Variants in DOCK3 observed in about 807,000 individuals in gnomAD.
The protein encoded by DOCK3 is dedicator of cytokinesis 3.
DOCK3 carries 60 observed loss-of-function variants against 265.6 expected under a neutral mutation model. The observed-to-expected ratio is 0.23, with a 90% CI of 0.18 to 0.28. The LOEUF (loss-of-function observed/expected upper bound fraction) is 0.28, where lower values mean the gene tolerates loss of function less well. Among genes scored for constraint, DOCK3 ranks in the 10% least tolerant of loss-of-function variants. The probability of loss-of-function intolerance (pLI) is 1.00; values close to 1 mark genes in which losing one functional copy is unlikely to be tolerated. For missense variants in DOCK3, 1,981 were observed against 2,594.3 expected (o/e 0.76, Z 5.14); for synonymous variants, 881 against 938.0 (o/e 0.94, Z 1.11).
At chr3:50,889,066 GGTGTGTGTGTGT>G (rs36180907) in intron 3 of DOCK3, among the ~76,000 whole-genome samples, 28 of 134,268 alleles carry the variant, frequency 2.1e-4, no homozygotes, top group South Asian at 8.0e-4. Flanking sequence ...TTAAGCCATG[GGTGTGTGTGTGT>G]GTGTGTGTGT....
intron 5 of DOCK3, among the ~76,000 whole-genome samples, chr3:50,943,684 A>G (rs1470030631): frequency 2.0e-5 from 3 of 152,184 alleles, no homozygotes; most frequent in African/African-American, 7.2e-5. Context: ...GTAGAAACAT[A>G]TAATCAGTAT....
At chr3:50,795,847 A>G (rs1376964021) in intron 2 of DOCK3, among the ~76,000 whole-genome samples, 1 of 152,104 alleles carries the variant, frequency 6.6e-6, no homozygotes, top group Non-Finnish European at 1.5e-5. Context: ...CAGGTCAGTT[A>G]CATTCTTTTC....
At chr3:51,205,719 TAGAA>T (rs1390803934) in intron 12 of DOCK3, among the ~76,000 whole-genome samples, 2 of 151,952 alleles carry the variant, frequency 1.3e-5, no homozygotes, top group Admixed American at 6.6e-5. Context: ...AATAGATAGA[TAGAA>T]AGAAAGAATT....
intron 4 of DOCK3, among the ~76,000 whole-genome samples, chr3:50,911,397 C>CATGTGTAGCTAT (rs1553701132): frequency 1.3e-5 from 2 of 152,026 alleles, no homozygotes; most frequent in Non-Finnish European, 2.9e-5. Flanking sequence ...TTCCTAGCAC[C>CATGTGTAGCTAT]ATTGATTGAA....
intron 33 of DOCK3, among the ~76,000 whole-genome samples, chr3:51,332,428 TTGCTTGGGAGCATTCCCTGTG>T (rs2084586038): frequency 6.6e-6 from 1 of 152,188 alleles, no homozygotes; most frequent in African/African-American, 2.4e-5. Flanking sequence ...CTGGCACATT[TTGCTTGGGAGCATTCCCTGTG>T]ACAGTAGGAT....
chr3:50,840,943 C>G (rs2045792695), intron 2 of DOCK3, among the ~76,000 whole-genome samples: 1 of 152,036 alleles, frequency 6.6e-6, no homozygotes, highest in African/African-American at 2.4e-5. Flanking sequence ...CAACGATAAC[C>G]TCTCAATTAA....
chr3:51,234,709 A>G (rs562140366), intron 19 of DOCK3, among the ~76,000 whole-genome samples: 2 of 151,918 alleles, frequency 1.3e-5, no homozygotes, highest in East Asian at 1.9e-4. Context: ...TTCCTTCCTT[A>G]CCCCTATGTT....
chr3:50,701,156 G>T (rs1205847116), intron 1 of DOCK3, among the ~76,000 whole-genome samples: 1 of 140,940 alleles, frequency 7.1e-6, no homozygotes, highest in Non-Finnish European at 1.5e-5. Context: ...TTTAAGACAG[G>T]TTCTCACTTT....
At chr3:51,115,565 T>A (rs1324375362) in intron 9 of DOCK3, among the ~76,000 whole-genome samples, 2 of 152,240 alleles carry the variant, frequency 1.3e-5, no homozygotes, top group Non-Finnish European at 2.9e-5. Flanking sequence ...GATAGGTAGA[T>A]GGGAAAAATT....
chr3:51,259,344 A>T (rs1276895262), intron 22 of DOCK3, among the ~76,000 whole-genome samples: 2 of 152,180 alleles, frequency 1.3e-5, no homozygotes, highest in African/African-American at 4.8e-5. Flanking sequence ...AGCCTTGCAT[A>T]AGTTTCTCTC....
intron 27 of DOCK3, among the ~76,000 whole-genome samples, chr3:51,292,005 C>T (rs2081807791): frequency 6.6e-6 from 1 of 152,160 alleles, no homozygotes. Context: ...ACATGATCAT[C>T]TCAATAAATG....
At chr3:50,937,300 T>C (rs1353955415) in intron 5 of DOCK3, among the ~76,000 whole-genome samples, 1 of 146,548 alleles carries the variant, frequency 6.8e-6, no homozygotes, top group South Asian at 2.2e-4. Flanking sequence ...AAAAAAAATT[T>C]ATAAAGTGGA....
At chr3:50,818,583 T>C (rs1004041701) in intron 2 of DOCK3, among the ~76,000 whole-genome samples, 1 of 152,186 alleles carries the variant, frequency 6.6e-6, no homozygotes, top group African/African-American at 2.4e-5. Context: ...TGAAGACATA[T>C]TTATATTTGA....
At chr3:51,143,096 A>G (rs2085137119) in intron 9 of DOCK3, among the ~76,000 whole-genome samples, 1 of 152,074 alleles carries the variant, frequency 6.6e-6, no homozygotes, top group Non-Finnish European at 1.5e-5. Context: ...CATGTTGGCC[A>G]GGCTGGTCTC....
At chr3:50,824,608 T>G (rs1684845282) in intron 2 of DOCK3, among the ~76,000 whole-genome samples, 4 of 152,190 alleles carry the variant, frequency 2.6e-5, no homozygotes, top group Admixed American at 2.6e-4. Flanking sequence ...CACTGCCATT[T>G]CCTAGTGTAC....
chr3:50,863,363 C>CT, intron 3 of DOCK3: 3 of 514,230 alleles, frequency 5.8e-6, no homozygotes, highest in South Asian at 4.3e-5. Flanking sequence ...CTACCCGGTT[C>CT]TTTGTGCTTG....
intron 5 of DOCK3, among the ~76,000 whole-genome samples, chr3:50,966,269 A>G (rs1215574370): frequency 6.6e-6 from 1 of 152,106 alleles, no homozygotes; most frequent in Non-Finnish European, 1.5e-5. Context: ...TTGTGGATGA[A>G]TGAGGGGGTG....
intron 27 of DOCK3, among the ~76,000 whole-genome samples, chr3:51,293,492 A>C (rs150691752): frequency 1.3e-5 from 2 of 152,216 alleles, no homozygotes; most frequent in African/African-American, 2.4e-5. Context: ...AATGGATTGA[A>C]GACCTGAAAT....
At chr3:51,201,720 T>C (rs1373106264) in intron 12 of DOCK3, among the ~76,000 whole-genome samples, 1 of 152,112 alleles carries the variant, frequency 6.6e-6, no homozygotes, top group Non-Finnish European at 1.5e-5. Context: ...AGAATATACA[T>C]TTTTTTCAGC....
Sources: gnomAD v4.1 joint callset for allele counts (sites outside exome capture counted in the v4.1 genomes callset) on GRCh38, gnomAD v4.1.1 for gene constraint, MANE v1.5 for transcripts, NCBI Gene and HGNC (gene_info 2026-07-23, HGNC 2026-07-21) for gene names.